The following TRDMT1 variants were observed in gnomAD, a reference collection of about 807,000 sequenced individuals.
TRDMT1 encodes the protein tRNA aspartic acid methyltransferase 1.
A neutral mutation model predicts 51.2 loss-of-function variants in TRDMT1; 49 were observed. That is an observed-to-expected ratio of 0.96 (90% CI 0.76 to 1.21). The LOEUF is 1.21. TRDMT1 is among the 50% of genes most tolerant of loss of function. TRDMT1 has a pLI of 0.00. For missense variants in TRDMT1, 534 were observed against 462.3 expected, an observed-to-expected ratio of 1.16 and a Z score of -1.42; for synonymous variants, 187 against 164.6, an observed-to-expected ratio of 1.14 and a Z score of -1.04.
At chr10:17,176,526 A>G (rs1842639687) in intron 1 of TRDMT1, among the ~76,000 whole-genome samples, 1 of 152,266 alleles carries the variant, frequency 6.6e-6, no homozygotes, top group Admixed American at 6.5e-5. Flanking sequence ...ACAGATTTTC[A>G]AAGCCAATAA....
intron 1 of TRDMT1, chr10:17,201,162 T>A (rs1458405377): frequency 2.2e-5 from 4 of 179,114 alleles, no homozygotes; most frequent in Non-Finnish European, 3.5e-5. Context: ...CCCCTGACAC[T>A]CCCTCCCTCC....
In TRDMT1 at chr10:17,200,763, G is replaced by T. The variant is rs115713060; in HGVS notation, c.64+808C>A. 4.5e-3 allele frequency among the ~76,000 whole-genome samples: 679 copies of T among 152,036 alleles called. 10 individuals carry two copies. Among genetic ancestry groups the T allele is most frequent in the African/African-American group, 0.016 (648 of 41,458 alleles). ...AGAAATCAAAAACCTCAAAATCAAA[G>T]ACGTGCATAAAAGTAATAGTTTGCT... is the stretch of plus-strand genomic sequence containing the variant. On this transcript the variant is annotated intron_variant, in intron 1 of 10. Coordinates refer to ENST00000377799, the MANE Select transcript of TRDMT1 (RefSeq NM_004412.7).
At chr10:17,180,153 T>A (rs907350149) in intron 1 of TRDMT1, among the ~76,000 whole-genome samples, 3 of 152,218 alleles carry the variant, frequency 2.0e-5, no homozygotes, top group Admixed American at 6.5e-5. Context: ...CTTTTATGGC[T>A]ATGTTTGTCT....
intron 1 of TRDMT1, among the ~76,000 whole-genome samples, chr10:17,182,265 A>T (rs1253005111): frequency 6.6e-6 from 1 of 152,168 alleles, no homozygotes; most frequent in Non-Finnish European, 1.5e-5. Context: ...ATGGAGAAAA[A>T]AACTGGTTTC....
intron 1 of TRDMT1, among the ~76,000 whole-genome samples, chr10:17,199,685 G>A (rs937730576): frequency 2.0e-5 from 3 of 152,184 alleles, no homozygotes; most frequent in Admixed American, 1.3e-4. Context: ...TTTAAGCAAC[G>A]AAGTAACATG....
chr10:17,169,293 A>T, intron 2 of TRDMT1: 1 of 1,167,806 alleles, frequency 8.6e-7, no homozygotes. Context: ...GGGTCTAGGA[A>T]ATTTTTAAAT....
intron 1 of TRDMT1, 99 bp downstream of exon 1, chr10:17,201,472 T>TCCGCCCCACAGTGG: frequency 2.3e-6 from 3 of 1,313,636 alleles, no homozygotes; most frequent in Non-Finnish European, 3.2e-6. Context: ...CCCCACAGTG[T>TCCGCCCCACAGTGG]CCGCCCCTTG....
At chr10:17,166,056 A>G (rs1182358341) in intron 3 of TRDMT1, among the ~76,000 whole-genome samples, 1 of 152,198 alleles carries the variant, frequency 6.6e-6, no homozygotes, top group African/African-American at 2.4e-5. Flanking sequence ...GTGCTGCTAT[A>G]AAGACACATG....
chr10:17,191,233 G>C (rs535576247), intron 1 of TRDMT1, among the ~76,000 whole-genome samples: 1 of 152,304 alleles, frequency 6.6e-6, no homozygotes, highest in African/African-American at 2.4e-5. Context: ...ACCCATTCAG[G>C]ACTCTGGTTT....
intron 1 of TRDMT1, among the ~76,000 whole-genome samples, chr10:17,175,424 C>G (rs1183646318): frequency 6.6e-6 from 1 of 152,112 alleles, no homozygotes; most frequent in African/African-American, 2.4e-5. Context: ...TGGAACTCCA[C>G]AATTGTAGCC....
intron 1 of TRDMT1, among the ~76,000 whole-genome samples, chr10:17,177,180 T>TTTTATTTATTTATTTATTTATTTATTTA (rs60893968): frequency 1.4e-4 from 20 of 141,542 alleles, no homozygotes; most frequent in Non-Finnish European, 2.6e-4. Flanking sequence ...AACACATTTA[T>TTTTATTTATTTATTTATTTATTTATTTA]TTTATTTATT....
intron 8 of TRDMT1, among the ~76,000 whole-genome samples, chr10:17,156,202 T>G (rs1166529516): frequency 6.6e-6 from 1 of 151,734 alleles, no homozygotes; most frequent in Non-Finnish European, 1.5e-5. Context: ...TGAGTAGCAT[T>G]CAGAAAGCAC....
intron 10 of TRDMT1, 85 bp downstream of exon 10, chr10:17,153,422 T>G: frequency 6.7e-7 from 1 of 1,501,834 alleles, no homozygotes; most frequent in Non-Finnish European, 9.1e-7. Context: ...CCCATTTGTT[T>G]AGGCAAGTCC....
At chr10:17,189,775 C>A (rs1192258489) in intron 1 of TRDMT1, among the ~76,000 whole-genome samples, 1 of 152,036 alleles carries the variant, frequency 6.6e-6, no homozygotes, top group Non-Finnish European at 1.5e-5. Flanking sequence ...AACTACAAAT[C>A]CTTTGAATTA....
chr10:17,201,594 CCCACGCCGCTGTATAGCT>C lies in TRDMT1; in HGVS notation c.23_40del (p.Glu8_Val13del). The C allele has an allele frequency of 6.5e-7, 1 of 1,549,250 alleles. No homozygotes were observed. The stretch of plus-strand genomic sequence containing the variant: ...ACCTCTCAGCGCGTGGTGCATGCCG[CCCACGCCGCTGTATAGCT>C]CCAGCACCCGCAGGGGCTCCATCCC... On this transcript the variant is annotated inframe_deletion, in exon 1 of 11. Transcript: ENST00000377799.
chr10:17,183,387 C>G (rs1279068432), intron 1 of TRDMT1, among the ~76,000 whole-genome samples: 2 of 151,956 alleles, frequency 1.3e-5, no homozygotes, highest in Non-Finnish European at 2.9e-5. Flanking sequence ...CGATTTTTTT[C>G]TCATTGAGAA....
At chr10:17,166,656 G>A (rs1841257572) in intron 3 of TRDMT1, among the ~76,000 whole-genome samples, 1 of 152,212 alleles carries the variant, frequency 6.6e-6, no homozygotes, top group East Asian at 1.9e-4. Context: ...TAGACTGGAT[G>A]TGAACAGACT....
chr10:17,177,709 AAG>A (rs1842777540), intron 1 of TRDMT1, among the ~76,000 whole-genome samples: 2 of 86,486 alleles, frequency 2.3e-5, no homozygotes, highest in South Asian at 7.8e-4. Context: ...AAAAATAGAC[AAG>A]AAACACACAC....
At chr10:17,169,818 G>C (rs753118681) in intron 2 of TRDMT1, among the ~76,000 whole-genome samples, 2 of 152,056 alleles carry the variant, frequency 1.3e-5, no homozygotes. Context: ...TTTGATCATA[G>C]GATTTTAAAT....
Sources: allele counts gnomAD v4.1 joint callset (sites outside exome capture counted in the v4.1 genomes callset), GRCh38; gene constraint gnomAD v4.1.1; transcripts MANE v1.5; gene names NCBI Gene and HGNC (gene_info 2026-07-23, HGNC 2026-07-21).